LRRC53: variants seen among roughly 807,000 people sequenced by gnomAD.
LRRC53 encodes the protein leucine-rich repeat-containing protein 53.
A neutral mutation model predicts 13.6 loss-of-function variants in LRRC53; 25 were observed. That is an observed-to-expected ratio of 1.83 (90% CI 1.34 to 2.56). The LOEUF (loss-of-function observed/expected upper bound fraction) is 2.56, where lower values mean the gene tolerates loss of function less well. Ranked by LOEUF, LRRC53 falls within the 30% of genes most tolerant of loss-of-function variation. LRRC53 has a pLI of 0.00. For missense variants in LRRC53, 527 were observed against 275.8 expected, an observed-to-expected ratio of 1.91 and a Z score of -6.45; for synonymous variants, 204 against 109.8, an observed-to-expected ratio of 1.86 and a Z score of -5.37.
chr1:74,472,276 C>A (rs1483196800), intron 4 of LRRC53, 75 bp from the exon 5 acceptor site: 2 of 677,876 alleles, frequency 3.0e-6, no homozygotes, highest in African/African-American at 1.8e-5. Context: ...GCGTAGAAAC[C>A]TTATGAAAAG....
intron 1 of LRRC53, among the ~76,000 whole-genome samples, chr1:74,490,040 T>A (rs1028459874): frequency 9.8e-5 from 3 of 30,602 alleles, no homozygotes; most frequent in Non-Finnish European, 1.5e-4. Flanking sequence ...AAAAGCAGGA[T>A]TTTTTTTTCT....
At chr1:74,521,898 T>A in the LRRC53 span, among the ~76,000 whole-genome samples, 4 of 152,186 alleles carry the variant, frequency 2.6e-5, no homozygotes, top group African/African-American at 9.7e-5. Flanking sequence ...ATTTCTGCTA[T>A]GAATCATAAC....
the LRRC53 span, among the ~76,000 whole-genome samples, chr1:74,517,779 C>T: frequency 6.6e-6 from 1 of 152,148 alleles, no homozygotes. Flanking sequence ...CAGTGGCTCT[C>T]AAAATTGAAA....
upstream of LRRC53, chr1:74,512,702 C>T (rs964646449): frequency 6.6e-6 from 1 of 152,234 alleles, no homozygotes; most frequent in East Asian, 1.9e-4. Context: ...TGGAATAACG[C>T]CTGGCACATG....
At chr1:74,483,484 G>A (rs1668602119) in intron 1 of LRRC53, 109 bp from the exon 2 acceptor site, 1 of 553,994 alleles carries the variant, frequency 1.8e-6, no homozygotes, top group Non-Finnish European at 3.3e-6. Flanking sequence ...TGTTCAATGA[G>A]CATCTTGGTG....
At chr1:74,509,574 A>C (rs1255177761) in intron 1 of LRRC53, among the ~76,000 whole-genome samples, 1 of 152,112 alleles carries the variant, frequency 6.6e-6, no homozygotes, top group Non-Finnish European at 1.5e-5. Context: ...TCAGATTAAC[A>C]TAGAGGACAA....
At chr1:74,484,122 G>C (rs1039465597) in intron 1 of LRRC53, among the ~76,000 whole-genome samples, 4 of 150,468 alleles carry the variant, frequency 2.7e-5, no homozygotes, top group African/African-American at 7.4e-5. Context: ...TTATTTTAAA[G>C]CTTTCTCAAC....
In LRRC53 at chr1:74,475,396, AAGCC is replaced by A. The variant is rs1668146349; in HGVS notation, c.1315_1318del (p.Gly439TyrfsTer30). 5.6e-6 allele frequency: 4 copies of A among 717,006 alleles called. No homozygotes were observed. The highest frequency in any genetic ancestry group is 2.0e-5 in the Admixed American group (1 of 49,958). The allele number at this position is 717,006 out of a possible 1,614,324, so 44.4% of individuals were successfully genotyped here. A position where few individuals can be genotyped will look rare whatever the true frequency, so the allele number is the denominator to read the frequency against. ...TTTCCTTGGATTATATGTTGTAAGT[AAGCC>A]TGCTTCATTAAAAGCTCTCATATTT... On this transcript the variant is annotated frameshift_variant, in exon 4 of 5. Transcript: ENST00000294635. LOFTEE classifies it high-confidence loss of function.
At chr1:74,535,033 TAA>T in the LRRC53 span, among the ~76,000 whole-genome samples, 3 of 151,604 alleles carry the variant, frequency 2.0e-5, no homozygotes, top group Non-Finnish European at 1.5e-5. Context: ...GGCATGTATG[TAA>T]AAATCAGGCA....
chr1:74,511,009 TC>T (rs1234506808), intron 1 of LRRC53, among the ~76,000 whole-genome samples: 1 of 152,002 alleles, frequency 6.6e-6, no homozygotes, highest in Non-Finnish European at 1.5e-5. Flanking sequence ...TGCCTCAGCC[TC>T]CCAAGTAGCT....
chr1:74,490,068 A>C (rs1668983057), intron 1 of LRRC53, among the ~76,000 whole-genome samples: 1 of 151,114 alleles, frequency 6.6e-6, no homozygotes, highest in East Asian at 1.9e-4. Flanking sequence ...AAAAAAAAAA[A>C]AAAAAAAACT....
upstream of LRRC53, among the ~76,000 whole-genome samples, chr1:74,512,849 T>A (rs1021398058): frequency 1.3e-5 from 2 of 152,182 alleles, no homozygotes; most frequent in African/African-American, 4.8e-5. Context: ...GCAGCATGCC[T>A]CACTCTACAA....
At chr1:74,495,305 G>A (rs1035130461) in intron 1 of LRRC53, among the ~76,000 whole-genome samples, 8 of 152,234 alleles carry the variant, frequency 5.3e-5, no homozygotes, top group South Asian at 2.1e-4. Flanking sequence ...TCTAGGAATC[G>A]GTAAAGCGTT....
At chr1:74,512,940 G>A (rs1173903662), upstream of LRRC53, among the ~76,000 whole-genome samples, 1 of 152,102 alleles carries the variant, frequency 6.6e-6, no homozygotes, top group Non-Finnish European at 1.5e-5. Context: ...CCCTCATCCG[G>A]GTAAATGGCT....
At chr1:74,514,898 C>T (rs1202165053), upstream of LRRC53, among the ~76,000 whole-genome samples, 1 of 152,062 alleles carries the variant, frequency 6.6e-6, no homozygotes, top group Non-Finnish European at 1.5e-5. Flanking sequence ...GGAGTTTATA[C>T]TGGAGTAGGG....
chr1:74,475,353 A>G lies in LRRC53; in HGVS notation c.1362T>C (p.Asn454=), dbSNP rs986607630. ...GAGGCTGGACTTCTCCAGGCTCAAG[A>G]TTCCATAGCTTTTGAACTTTCCTTG... ...YNPRKVQKLW[N]LEPGEVQPQT... is the part of the protein sequence containing the mutation. The change falls in exon 4 of 5, where the codon AAT becomes AAC. Residue 454 remains asparagine (N), a synonymous_variant. Transcript: ENST00000294635. The G allele has an allele frequency of 2.9e-5, 21 of 714,396 alleles. No individual in the cohort carries two copies. Among genetic ancestry groups the G allele is most frequent in the Non-Finnish European group, 5.5e-5 (21 of 384,002 alleles). The allele number at this position is 714,396 out of a possible 1,614,324, so 44.3% of individuals were successfully genotyped here.
At chr1:74,514,068 C>A (rs897053229), upstream of LRRC53, among the ~76,000 whole-genome samples, 1 of 152,140 alleles carries the variant, frequency 6.6e-6, no homozygotes, top group Non-Finnish European at 1.5e-5. Context: ...AATTCAAAGG[C>A]TATTCGAAGT....
In LRRC53 at chr1:74,472,175, T is replaced by G. The variant is rs1667969345; in HGVS notation, c.1447A>C (p.Arg483=). ...EDISSDIFRR[R]YATPASALAG... ...AAGGCTGAAGCGGGTGTTGCATATC[T>G]TCTTCTAAATATGTCACTGCTGATA... is the stretch of plus-strand genomic sequence containing the variant. Residue 483 remains arginine (R), a synonymous_variant, in exon 5 of 5, where the codon AGA becomes CGA. Coordinates refer to ENST00000294635, the MANE Select transcript of LRRC53 (RefSeq NM_001382280.1). 1.4e-6 allele frequency: 1 copy of G among 714,666 alleles called. No homozygotes were observed. Among genetic ancestry groups the G allele is most frequent in the African/African-American group, 1.7e-5 (1 of 57,202 alleles). 44.3% of individuals were successfully genotyped at this position (714,666 alleles called of 1,614,324 possible).
chr1:74,516,583 A>G (rs998526401), upstream of LRRC53, among the ~76,000 whole-genome samples: 1 of 152,150 alleles, frequency 6.6e-6, no homozygotes, highest in East Asian at 1.9e-4. Context: ...AAATAGACCC[A>G]GGCCTGCTGC....
Sources: gnomAD v4.1 joint callset for allele counts (sites outside exome capture counted in the v4.1 genomes callset) on GRCh38, gnomAD v4.1.1 for gene constraint, MANE v1.5 for transcripts, NCBI Gene and HGNC (gene_info 2026-07-23, HGNC 2026-07-21) for gene names.